Variants in EPHB1 observed in about 807,000 individuals in gnomAD.
EPHB1 encodes EPH receptor B1.
A neutral mutation model predicts 94.4 loss-of-function variants in EPHB1; 30 were observed. That is an observed-to-expected ratio of 0.32 (90% CI 0.24 to 0.43). The LOEUF is 0.43. Ranked by LOEUF, EPHB1 falls within the 20% of genes least tolerant of loss-of-function variation. The pLI, the probability that EPHB1 is intolerant of heterozygous loss-of-function variation, is 1.00. For missense variants in EPHB1, 1,055 were observed against 1,308.3 expected, an observed-to-expected ratio of 0.81 and a Z score of 2.99; for synonymous variants, 522 against 489.1, an observed-to-expected ratio of 1.07 and a Z score of -0.89.
At chr3:135,171,690 A>G (rs1241349866) in intron 9 of EPHB1, among the ~76,000 whole-genome samples, 1 of 152,248 alleles carries the variant, frequency 6.6e-6, no homozygotes, top group African/African-American at 2.4e-5. Context: ...AGTTGACCAC[A>G]TTCTTAGTAT....
chr3:135,090,797 A>T (rs376177929), intron 3 of EPHB1, among the ~76,000 whole-genome samples: 1 of 152,262 alleles, frequency 6.6e-6, no homozygotes, highest in Non-Finnish European at 1.5e-5. Context: ...TGAGAATTTC[A>T]GCCTCAAAGC....
At chr3:135,063,904 G>A (rs1937547814) in intron 3 of EPHB1, among the ~76,000 whole-genome samples, 1 of 152,146 alleles carries the variant, frequency 6.6e-6, no homozygotes, top group Non-Finnish European at 1.5e-5. Context: ...TAATCATAAA[G>A]AGATGCTGGA....
chr3:135,256,839 C>T (rs922744238), intron 15 of EPHB1, among the ~76,000 whole-genome samples: 43 of 151,768 alleles, frequency 2.8e-4, no homozygotes, highest in African/African-American at 1.0e-3. Context: ...TTCTCCCCAT[C>T]ACTTTCAGGT....
At chr3:134,883,420 T>C (rs2037801770) in intron 1 of EPHB1, among the ~76,000 whole-genome samples, 1 of 152,178 alleles carries the variant, frequency 6.6e-6, no homozygotes, top group African/African-American at 2.4e-5. Flanking sequence ...TGGAGGGTGG[T>C]GAGCATTCCG....
chr3:135,131,960 CT>C (rs1214121282), intron 4 of EPHB1, among the ~76,000 whole-genome samples: 28 of 152,188 alleles, frequency 1.8e-4, no homozygotes, highest in African/African-American at 6.8e-4. Context: ...TTTACTTCCC[CT>C]TTCTATTAAA....
intron 3 of EPHB1, among the ~76,000 whole-genome samples, chr3:135,048,061 G>C (rs772649508): frequency 9.9e-5 from 15 of 152,034 alleles, no homozygotes; most frequent in African/African-American, 1.4e-4. Flanking sequence ...TGAAGAGCTA[G>C]AGACAGTGGA....
chr3:135,175,064 T>A (rs1289823958), intron 9 of EPHB1, among the ~76,000 whole-genome samples: 1 of 152,116 alleles, frequency 6.6e-6, no homozygotes, highest in African/African-American at 2.4e-5. Flanking sequence ...GAGGCCTGGA[T>A]AGAAGCATTC....
chr3:135,044,435 C>T (rs1936937372), intron 3 of EPHB1, among the ~76,000 whole-genome samples: 1 of 152,210 alleles, frequency 6.6e-6, no homozygotes, highest in African/African-American at 2.4e-5. Context: ...TTCTTTGCAG[C>T]ACATTGTGTG....
At chr3:134,882,009 A>C (rs1001980395) in intron 1 of EPHB1, among the ~76,000 whole-genome samples, 2 of 152,234 alleles carry the variant, frequency 1.3e-5, no homozygotes, top group Admixed American at 6.5e-5. Flanking sequence ...CAACAATATT[A>C]TTTGGGATGC....
intron 13 of EPHB1, among the ~76,000 whole-genome samples, chr3:135,244,479 A>T (rs1943873113): frequency 6.6e-6 from 1 of 152,220 alleles, no homozygotes; most frequent in Non-Finnish European, 1.5e-5. Context: ...AAAGGAGCCC[A>T]GAATTCACTT....
chr3:135,143,375 G>C (rs1940894604), intron 5 of EPHB1, among the ~76,000 whole-genome samples: 1 of 152,104 alleles, frequency 6.6e-6, no homozygotes, highest in African/African-American at 2.4e-5. Flanking sequence ...GAGGAGGATG[G>C]TCACAGTGAC....
intron 10 of EPHB1, among the ~76,000 whole-genome samples, chr3:135,181,206 C>T (rs916210026): frequency 2.0e-5 from 3 of 152,342 alleles, no homozygotes; most frequent in East Asian, 1.9e-4. Context: ...TGAATAGCTT[C>T]GTCCTCACAC....
chr3:134,819,108 TA>T (rs2036330509), intron 1 of EPHB1, among the ~76,000 whole-genome samples: 1 of 152,196 alleles, frequency 6.6e-6, no homozygotes, highest in Non-Finnish European at 1.5e-5. Context: ...ACATGAGTTA[TA>T]AGACAAGATA....
intron 1 of EPHB1, among the ~76,000 whole-genome samples, chr3:134,896,120 G>C (rs1245056620): frequency 2.0e-5 from 3 of 151,986 alleles, no homozygotes; most frequent in African/African-American, 7.3e-5. Context: ...AGGTACACCA[G>C]GACACATATT....
At chr3:134,807,351 G>C (rs1032082493) in intron 1 of EPHB1, among the ~76,000 whole-genome samples, 3 of 152,160 alleles carry the variant, frequency 2.0e-5, no homozygotes, top group African/African-American at 7.2e-5. Flanking sequence ...ATAGACTGGT[G>C]GGGGAGACAG....
intron 1 of EPHB1, among the ~76,000 whole-genome samples, chr3:134,838,176 G>A (rs745531211): frequency 6.6e-6 from 1 of 152,168 alleles, no homozygotes; most frequent in Non-Finnish European, 1.5e-5. Context: ...TGAGATTCTG[G>A]TCTGGGTGCA....
intron 3 of EPHB1, among the ~76,000 whole-genome samples, chr3:135,053,289 T>C (rs867280761): frequency 2.0e-5 from 3 of 151,844 alleles, no homozygotes; most frequent in Admixed American, 6.6e-5. Flanking sequence ...TCTAACAAAA[T>C]ATCATATGGA....
intron 1 of EPHB1, among the ~76,000 whole-genome samples, chr3:134,891,302 G>A (rs1026360901): frequency 6.6e-6 from 1 of 152,074 alleles, no homozygotes; most frequent in African/African-American, 2.4e-5. Context: ...TAGAGACAGG[G>A]TTTCACTATG....
chr3:135,180,139 A>G (rs866564852), intron 10 of EPHB1, among the ~76,000 whole-genome samples, 157 bp downstream of exon 10: 16 of 152,198 alleles, frequency 1.1e-4, no homozygotes, highest in Non-Finnish European at 1.8e-4. Flanking sequence ...CTACATGTGT[A>G]TCTAGGACAG....
Sources: allele counts gnomAD v4.1 joint callset (sites outside exome capture counted in the v4.1 genomes callset), GRCh38; gene constraint gnomAD v4.1.1; transcripts MANE v1.5; gene names NCBI Gene and HGNC (gene_info 2026-07-23, HGNC 2026-07-21).